The following NXN variants were observed in gnomAD, a reference collection of about 807,000 sequenced individuals.
NXN encodes the protein nucleoredoxin.
In NXN, 16 loss-of-function variants were observed where a neutral mutation model predicts 48.6. That is an observed-to-expected ratio of 0.33 (90% CI 0.22 to 0.50). NXN has a LOEUF of 0.50. Among genes scored for constraint, NXN ranks in the 20% least tolerant of loss-of-function variants. NXN has a pLI of 0.98. For missense variants in NXN, 492 were observed against 605.5 expected, an observed-to-expected ratio of 0.81 and a Z score of 1.97; for synonymous variants, 281 against 269.6, an observed-to-expected ratio of 1.04 and a Z score of -0.41.
chr17:863,447 G>T (rs1213350556), intron 1 of NXN, among the ~76,000 whole-genome samples: 1 of 152,096 alleles, frequency 6.6e-6, no homozygotes, highest in Non-Finnish European at 1.5e-5. Context: ...GATTACAGGT[G>T]TGAGCCACCA....
At chr17:847,657 A>T (rs2067879267) in intron 1 of NXN, among the ~76,000 whole-genome samples, 1 of 152,232 alleles carries the variant, frequency 6.6e-6, no homozygotes, top group African/African-American at 2.4e-5. Context: ...AGATGCCTTT[A>T]TATAGAAACG....
At chr17:926,239 G>A (rs1479422000) in intron 1 of NXN, among the ~76,000 whole-genome samples, 1 of 152,144 alleles carries the variant, frequency 6.6e-6, no homozygotes, top group Non-Finnish European at 1.5e-5. Context: ...AGGCCGTAGT[G>A]CAGTGGCACC....
At chr17:883,220 T>C (rs1014279474) in intron 1 of NXN, among the ~76,000 whole-genome samples, 2 of 152,028 alleles carry the variant, frequency 1.3e-5, no homozygotes, top group African/African-American at 2.4e-5. Flanking sequence ...TCTCCACAAC[T>C]CAGACAGCGA....
At chr17:961,435 T>C (rs917431913) in intron 1 of NXN, among the ~76,000 whole-genome samples, 1 of 152,004 alleles carries the variant, frequency 6.6e-6, no homozygotes, top group African/African-American at 2.4e-5. Flanking sequence ...ACAGTAAGTA[T>C]TGTAATTTAC....
intron 5 of NXN, among the ~76,000 whole-genome samples, chr17:813,693 G>A (rs1365205153): frequency 2.6e-5 from 4 of 152,332 alleles, no homozygotes; most frequent in South Asian, 2.1e-4. Flanking sequence ...GGCCGGCCGG[G>A]CGCGGTGGCT....
At chr17:902,998 C>T (rs941432366) in intron 1 of NXN, among the ~76,000 whole-genome samples, 16 of 151,462 alleles carry the variant, frequency 1.1e-4, no homozygotes, top group Admixed American at 3.3e-4. Context: ...CTCGAACTCC[C>T]GAACTCAGGT....
intron 1 of NXN, among the ~76,000 whole-genome samples, chr17:874,488 A>G (rs1411612626): frequency 6.6e-6 from 1 of 152,224 alleles, no homozygotes; most frequent in African/African-American, 2.4e-5. Context: ...GGAGGCTGAC[A>G]CAGGAGAATC....
intron 1 of NXN, among the ~76,000 whole-genome samples, chr17:839,808 A>AAAAAAAAAAAAAC (rs1352197383): frequency 8.3e-5 from 12 of 143,800 alleles, no homozygotes; most frequent in African/African-American, 2.4e-4. Flanking sequence ...AAAAAAAAAA[A>AAAAAAAAAAAAAC]AAAAAAGGCC....
intron 1 of NXN, among the ~76,000 whole-genome samples, chr17:862,339 G>A (rs1393786279): frequency 2.0e-5 from 3 of 152,176 alleles, no homozygotes; most frequent in Non-Finnish European, 4.4e-5. Context: ...AACATAGTAA[G>A]ACCCCATCTC....
intron 5 of NXN, among the ~76,000 whole-genome samples, chr17:806,024 C>T (rs1397938657): frequency 4.6e-5 from 7 of 152,070 alleles, no homozygotes; most frequent in Middle Eastern, 3.2e-3. Flanking sequence ...GGTCCTCGCC[C>T]GGCCACAGTG....
intron 3 of NXN, 120 bp downstream of exon 3, chr17:823,512 G>T: frequency 8.8e-7 from 1 of 1,131,348 alleles, no homozygotes; most frequent in Non-Finnish European, 1.3e-6. Flanking sequence ...CACAGGAGAA[G>T]GCCAGAAGGC....
chr17:948,239 T>C (rs1245416448), intron 1 of NXN, among the ~76,000 whole-genome samples: 1 of 152,120 alleles, frequency 6.6e-6, no homozygotes, highest in Non-Finnish European at 1.5e-5. Flanking sequence ...TACACAGGAT[T>C]ACCCCATTTA....
chr17:875,411 A>T (rs563183353), intron 1 of NXN, among the ~76,000 whole-genome samples: 1 of 152,160 alleles, frequency 6.6e-6, no homozygotes, highest in African/African-American at 2.4e-5. Flanking sequence ...CAGCAAACAG[A>T]CTCATAGAGA....
intron 1 of NXN, among the ~76,000 whole-genome samples, chr17:826,893 C>A (rs114115171): frequency 0.014 from 2,179 of 152,340 alleles, 50 homozygotes; most frequent in African/African-American, 0.049. Context: ...ATAAAGCTGA[C>A]AAAATGTCAA....
At chr17:970,403 G>T (rs1793247631) in intron 1 of NXN, among the ~76,000 whole-genome samples, 1 of 151,850 alleles carries the variant, frequency 6.6e-6, no homozygotes, top group African/African-American at 2.4e-5. Flanking sequence ...GGAGTTGGGG[G>T]GCCCTTCACT....
At chr17:823,136 T>C (rs1304509030) in intron 3 of NXN, among the ~76,000 whole-genome samples, 1 of 145,546 alleles carries the variant, frequency 6.9e-6, no homozygotes, top group Non-Finnish European at 1.5e-5. Context: ...CGATGGTTCA[T>C]GCTTGTAATC....
At chr17:859,250 C>T (rs1267116897) in intron 1 of NXN, among the ~76,000 whole-genome samples, 1 of 152,162 alleles carries the variant, frequency 6.6e-6, no homozygotes, top group South Asian at 2.1e-4. Flanking sequence ...TGTTTATCCA[C>T]GCTGACCGAT....
At chr17:806,242 G>C (rs1489745832) in intron 5 of NXN, among the ~76,000 whole-genome samples, 22 of 95,584 alleles carry the variant, frequency 2.3e-4, no homozygotes, top group African/African-American at 1.0e-3. Context: ...CCCCTCCCCA[G>C]GGCTGCAGCC....
chr17:809,901 G>C, intron 5 of NXN, among the ~76,000 whole-genome samples: 1 of 144,914 alleles, frequency 6.9e-6, no homozygotes. Context: ...AAGAGTCCCT[G>C]TGAGTGCCGT....
Sources: gnomAD v4.1 joint callset for allele counts (sites outside exome capture counted in the v4.1 genomes callset) on GRCh38, gnomAD v4.1.1 for gene constraint, MANE v1.5 for transcripts, NCBI Gene and HGNC (gene_info 2026-07-23, HGNC 2026-07-21) for gene names.